Variants in NAT10 observed in about 807,000 individuals in gnomAD.
NAT10 encodes RNA cytidine acetyltransferase.
In NAT10, 109 loss-of-function variants were observed where a neutral mutation model predicts 132.2. The ratio of observed to expected loss-of-function variants is 0.82; its 90% CI spans 0.71 to 0.97. NAT10 has a LOEUF of 0.97. Ranked by LOEUF, NAT10 falls within the 50% of genes least tolerant of loss-of-function variation. NAT10 has a pLI of 0.00. For missense variants in NAT10, 1,184 were observed against 1,263.4 expected (o/e 0.94, Z 0.95); for synonymous variants, 479 against 478.0 (o/e 1.00, Z -0.03).
chr11:34,122,531 G>A lies in NAT10; in HGVS notation c.853G>A (p.Ala285Thr). The change falls in exon 9 of 29, where the codon GCT (alanine) becomes ACT (threonine). Residue 285 changes from alanine (A) to threonine (T), a missense_variant. Coordinates refer to ENST00000257829, the MANE Select transcript of NAT10 (RefSeq NM_024662.3). ...TLRSTVALTA[A>T]RGRGKSAALG... ...GAGGAGTACTGTTGCACTCACAGCT[G>A]CTCGAGGACGGGGAAAATCTGCAGC... 6.2e-7 allele frequency: 1 copy of A among 1,614,214 alleles called. No individual in the cohort carries two copies. The highest frequency in any genetic ancestry group is 8.5e-7 in the Non-Finnish European group (1 of 1,180,028).
chr11:34,141,321 TCACA>T (rs66674391), intron 25 of NAT10, 113 bp downstream of exon 25: 2,013 of 1,200,050 alleles, frequency 1.7e-3, no homozygotes, highest in African/African-American at 3.1e-3. Context: ...CTGCATCTCG[TCACA>T]CACACACACA....
intron 8 of NAT10, 132 bp downstream of exon 8, chr11:34,118,635 C>A: frequency 1.6e-6 from 1 of 640,950 alleles, no homozygotes; most frequent in Non-Finnish European, 2.6e-6. Context: ...CTTGCTCATA[C>A]TCGTGTGTGC....
At chr11:34,123,710 C>T in intron 9 of NAT10, 52 bp from the exon 10 acceptor site, 1 of 1,336,888 alleles carries the variant, frequency 7.5e-7, no homozygotes, top group South Asian at 1.2e-5. Flanking sequence ...TAAATTGTTT[C>T]TTTAAGATGT....
intron 28 of NAT10, 84 bp from the exon 29 acceptor site, chr11:34,146,000 T>A (rs1400754723): frequency 9.9e-7 from 1 of 1,008,958 alleles, no homozygotes; most frequent in African/African-American, 1.6e-5. Context: ...AAACCCTTTT[T>A]GACAAAGCAA....
At chr11:34,116,839 C>T (rs1450929669) in intron 6 of NAT10, among the ~76,000 whole-genome samples, 1 of 152,144 alleles carries the variant, frequency 6.6e-6, no homozygotes, top group Non-Finnish European at 1.5e-5. Context: ...AAGTGATCTG[C>T]CCCACTCAGT....
intron 9 of NAT10, 50 bp downstream of exon 9, chr11:34,122,642 T>C (rs764526503): frequency 2.5e-6 from 4 of 1,603,762 alleles, no homozygotes; most frequent in African/African-American, 2.7e-5. Context: ...TCTGTGGGGG[T>C]AGTGTGCAGG....
intron 6 of NAT10, among the ~76,000 whole-genome samples, chr11:34,117,361 C>T (rs1851799622): frequency 6.6e-6 from 1 of 152,136 alleles, no homozygotes; most frequent in African/African-American, 2.4e-5. Flanking sequence ...ATCGTAATGA[C>T]TTTGGGAGGG....
At chr11:34,129,531 C>G (rs902680605) in intron 12 of NAT10, among the ~76,000 whole-genome samples, 2 of 150,812 alleles carry the variant, frequency 1.3e-5, no homozygotes, top group Non-Finnish European at 2.9e-5. Context: ...ATACCAGGTC[C>G]CTTTTCAGAT....
At chr11:34,136,069 G>A (rs955339750) in intron 19 of NAT10, among the ~76,000 whole-genome samples, 46 of 151,374 alleles carry the variant, frequency 3.0e-4, no homozygotes, top group Non-Finnish European at 6.3e-4. Context: ...CTGTCCCTTT[G>A]TAAATCTGTT....
At chr11:34,132,967 T>G in intron 15 of NAT10, 59 bp from the exon 16 acceptor site, 2 of 1,420,910 alleles carry the variant, frequency 1.4e-6, no homozygotes, top group Non-Finnish European at 9.9e-7. Flanking sequence ...GAATCGAACC[T>G]TTTGCGTAAA....
chr11:34,119,887 A>C (rs1590765591), intron 8 of NAT10, among the ~76,000 whole-genome samples: 1 of 152,182 alleles, frequency 6.6e-6, no homozygotes, highest in East Asian at 1.9e-4. Context: ...CCAGAAGAGA[A>C]GTTGCTGGAT....
At chr11:34,137,066 C>T (rs376671581) in intron 21 of NAT10, 40 bp downstream of exon 21, 25 of 1,610,150 alleles carry the variant, frequency 1.6e-5, no homozygotes, top group East Asian at 1.1e-4. Flanking sequence ...TTAGGTTTAC[C>T]GTTATGGTAG....
intron 3 of NAT10, among the ~76,000 whole-genome samples, chr11:34,110,225 A>G (rs558119118): frequency 6.6e-6 from 1 of 152,078 alleles, no homozygotes; most frequent in Non-Finnish European, 1.5e-5. Context: ...AGCCTCTTCT[A>G]ATTTCCAAAT....
intron 16 of NAT10, among the ~76,000 whole-genome samples, chr11:34,133,958 C>A (rs1226752148): frequency 1.3e-5 from 2 of 151,346 alleles, no homozygotes; most frequent in Non-Finnish European, 2.9e-5. Context: ...CAAGACCATC[C>A]TGGCTAACAC....
At chr11:34,110,210 C>T (rs1289534873) in intron 3 of NAT10, among the ~76,000 whole-genome samples, 1 of 152,124 alleles carries the variant, frequency 6.6e-6, no homozygotes, top group African/African-American at 2.4e-5. Flanking sequence ...GCGATTCTGT[C>T]CTTGAGCCTC....
chr11:34,142,436 G>A lies in NAT10; in HGVS notation c.2885+88G>A, dbSNP rs1852353308. On this transcript the variant is annotated intron_variant, in intron 27 of 28. Coordinates refer to ENST00000257829, the MANE Select transcript of NAT10 (RefSeq NM_024662.3). ...CGTTTCTTCTAATCATATCCCACGT[G>A]CCCTGGAAAGTGTCTTTCATGGGAT... 5.2e-6 allele frequency: 6 copies of A among 1,145,858 alleles called. No homozygotes were observed. In the Admixed American group the frequency reaches 5.9e-5, roughly 11 times the overall value. 71.0% of individuals were successfully genotyped at this position (1,145,858 alleles called of 1,614,324 possible).
intron 8 of NAT10, among the ~76,000 whole-genome samples, chr11:34,119,253 C>A (rs1423134781): frequency 6.6e-6 from 1 of 152,230 alleles, no homozygotes; most frequent in Non-Finnish European, 1.5e-5. Context: ...CTGGGCACAG[C>A]CCAGAGGTCT....
At position 34,140,504 on chromosome 11, in the gene NAT10, A is replaced by G; in HGVS notation, c.2524A>G (p.Ile842Val). The G allele has an allele frequency of 6.2e-7, 1 of 1,613,982 alleles. No homozygotes were observed. Among genetic ancestry groups the G allele is most frequent in the Non-Finnish European group, 8.5e-7 (1 of 1,180,018 alleles). ...MVDYHLIMDM[I>V]PAISRIYFLN... ...GGACTATCACCTCATCATGGACATG[A>G]TCCCGGCCATCTCTCGCATCTATTT... Residue 842 changes from isoleucine to valine, a missense_variant, in exon 24 of 29, where the codon ATC becomes GTC. Ile to Val is a conservative substitution (Grantham distance 29). Transcript: ENST00000257829.
intron 28 of NAT10, among the ~76,000 whole-genome samples, chr11:34,145,690 A>G (rs1286598381): frequency 6.6e-6 from 1 of 151,912 alleles, no homozygotes; most frequent in Non-Finnish European, 1.5e-5. Context: ...CTTCAGGGTC[A>G]TTGGGATGAA....
Sources: gnomAD v4.1 joint callset for allele counts (sites outside exome capture counted in the v4.1 genomes callset) on GRCh38, gnomAD v4.1.1 for gene constraint, MANE v1.5 for transcripts, NCBI Gene and HGNC (gene_info 2026-07-23, HGNC 2026-07-21) for gene names.